Variants in POLR1F observed in about 807,000 individuals in gnomAD.
POLR1F encodes DNA-directed RNA polymerase I subunit RPA43.
Under a neutral mutation model 21.8 loss-of-function variants are expected in POLR1F, and 23 were observed. The observed-to-expected ratio is 1.05, with a 90% confidence interval of 0.76 to 1.49. The LOEUF is 1.49. Ranked by LOEUF, POLR1F falls within the 40% of genes most tolerant of loss-of-function variation. POLR1F has a pLI of 0.00. For synonymous variants in POLR1F, 162 were observed against 152.8 expected, an observed-to-expected ratio of 1.06 and a Z score of -0.45; for missense variants, 435 against 412.1, an observed-to-expected ratio of 1.06 and a Z score of -0.48.
At chr7:19,702,962 T>C (rs1783464549) in intron 2 of POLR1F, among the ~76,000 whole-genome samples, 1 of 152,226 alleles carries the variant, frequency 6.6e-6, no homozygotes, top group South Asian at 2.1e-4. Flanking sequence ...AACTAGCTCT[T>C]CTGCTTCTAG....
At chr7:19,703,074 C>T (rs1038300766) in intron 2 of POLR1F, among the ~76,000 whole-genome samples, 2 of 152,090 alleles carry the variant, frequency 1.3e-5, no homozygotes, top group East Asian at 3.8e-4. Context: ...TGGAATCAAT[C>T]CATCAATGAA....
chr7:19,696,139 T>C lies in POLR1F; in HGVS notation c.*2177A>G, dbSNP rs1783360309. On this transcript the variant is annotated 3_prime_UTR_variant, in exon 4 of 4. Transcript: ENST00000222567. ...AAAGATAGACTAGGTTAGTGCAGCA[T>C]GTGCCAAATGTTTTGAAGAATACAT... The C allele has an allele frequency of 6.6e-6, 1 of 152,088 alleles. No homozygotes were observed. The highest frequency in any genetic ancestry group is 1.9e-4 in the East Asian group (1 of 5,196). 9.4% of individuals were successfully genotyped at this position (152,088 alleles called of 1,614,324 possible).
chr7:19,703,319 T>C (rs991651020), intron 2 of POLR1F, among the ~76,000 whole-genome samples: 3 of 152,076 alleles, frequency 2.0e-5, no homozygotes, highest in Admixed American at 6.5e-5. Flanking sequence ...AGAGAAGGAA[T>C]TGGGCCAGGA....
chr7:19,700,376 G>C, intron 2 of POLR1F, 96 bp from the exon 3 acceptor site: 1 of 900,290 alleles, frequency 1.1e-6, no homozygotes, highest in Non-Finnish European at 1.7e-6. Context: ...AATCTTCAAA[G>C]AACAAACATC....
intron 1 of POLR1F, among the ~76,000 whole-genome samples, chr7:19,707,628 C>G (rs750438581): frequency 3.3e-5 from 5 of 152,156 alleles, no homozygotes; most frequent in Non-Finnish European, 5.9e-5. Flanking sequence ...CCTCTTCAAT[C>G]AAGTTGTTCT....
chr7:19,702,327 AG>A (rs1783456487), intron 2 of POLR1F, among the ~76,000 whole-genome samples: 1 of 152,222 alleles, frequency 6.6e-6, no homozygotes, highest in African/African-American at 2.4e-5. Context: ...ATGAAAGAAA[AG>A]GTTTTTTAAT....
At chr7:19,702,374 G>C (rs987032642) in intron 2 of POLR1F, among the ~76,000 whole-genome samples, 7 of 152,106 alleles carry the variant, frequency 4.6e-5, no homozygotes, top group Non-Finnish European at 8.8e-5. Flanking sequence ...CTACATGAAG[G>C]AGAGAGTGGA....
intron 2 of POLR1F, among the ~76,000 whole-genome samples, chr7:19,702,309 G>GA (rs777458565): frequency 1.2e-4 from 19 of 152,104 alleles, no homozygotes; most frequent in Admixed American, 4.6e-4. Context: ...GTCAATTTCA[G>GA]AAAATCAATG....
chr7:19,708,593 C>T (rs1398890357), intron 1 of POLR1F, among the ~76,000 whole-genome samples, 170 bp downstream of exon 1: 1 of 152,144 alleles, frequency 6.6e-6, no homozygotes, highest in Non-Finnish European at 1.5e-5. Context: ...TAGATCTTTA[C>T]CAGAGCGGTA....
chr7:19,707,801 T>C (rs1444115691), intron 1 of POLR1F, among the ~76,000 whole-genome samples: 2 of 152,212 alleles, frequency 1.3e-5, no homozygotes, highest in Non-Finnish European at 2.9e-5. Context: ...GTGTTCGGTA[T>C]GTAATATAAA....
At chr7:19,701,379 G>A (rs1308039488) in intron 2 of POLR1F, among the ~76,000 whole-genome samples, 1 of 152,176 alleles carries the variant, frequency 6.6e-6, no homozygotes, top group Non-Finnish European at 1.5e-5. Context: ...TACAGGGAAC[G>A]GAGGGAAGAA....
At chr7:19,701,680 A>G (rs913213098) in intron 2 of POLR1F, among the ~76,000 whole-genome samples, 4 of 149,314 alleles carry the variant, frequency 2.7e-5, no homozygotes, top group African/African-American at 9.9e-5. Context: ...AAGTCTGTTT[A>G]CCCTACCTCT....
chr7:19,709,017 G>C lies in POLR1F; in HGVS notation c.-1C>G. 6.4e-7 allele frequency: 1 copy of C among 1,571,834 alleles called. No homozygotes were observed. The highest frequency in any genetic ancestry group is 8.6e-7 in the Non-Finnish European group (1 of 1,159,094). Reference sequence around the variant, plus strand: ...GCGCCTCTGAGCAACCTGCAGCCATGCTGCTTGTCAAGGTTCCCACGGCGC... The same window carrying C: ...GCGCCTCTGAGCAACCTGCAGCCATCCTGCTTGTCAAGGTTCCCACGGCGC... On this transcript the variant is annotated 5_prime_UTR_variant, in exon 1 of 4. Transcript: ENST00000222567.
chr7:19,708,891 G>A lies in POLR1F; in HGVS notation c.126C>T (p.Asn42=), dbSNP rs764010966. 11 of 1,614,160 alleles carry A rather than the reference G, an allele frequency of 6.8e-6. No individual in the cohort carries two copies. In the East Asian group the frequency reaches 1.3e-4, roughly 20 times the overall value. ...PTYAAACALV[N]SRYSCLVAGP... is the part of the protein sequence containing the mutation. ...CGGCCACCAGGCATGAGTAGCGACT[G>A]TTCACCAGCGCACAAGCAGCGGCAT... The change falls in exon 1 of 4, where the codon AAC becomes AAT. Residue 42 remains asparagine, a synonymous_variant. Transcript: ENST00000222567.
At position 19,696,781 on chromosome 7, in the gene POLR1F, C is replaced by T. The variant is rs1249503067; in HGVS notation, c.*1535G>A. On this transcript the variant is annotated 3_prime_UTR_variant, in exon 4 of 4. Transcript: ENST00000222567. ...CCACTATACCAAGACATATTGATTTCACCAATATAAAAATTGAGATAGTTT... is the reference window on the plus strand; with the variant it reads ...CCACTATACCAAGACATATTGATTTTACCAATATAAAAATTGAGATAGTTT... 6.6e-6 allele frequency: 1 copy of T among 152,050 alleles called. No homozygotes were observed. Among genetic ancestry groups the T allele is most frequent in the Admixed American group, 6.6e-5 (1 of 15,262 alleles). The allele number at this position is 152,050 out of a possible 1,614,324, so 9.4% of individuals were successfully genotyped here.
intron 1 of POLR1F, among the ~76,000 whole-genome samples, chr7:19,706,257 G>A (rs547563088): frequency 2.6e-5 from 4 of 152,102 alleles, no homozygotes; most frequent in African/African-American, 7.2e-5. Context: ...TTTAATTTCC[G>A]CATGTGGCAT....
chr7:19,706,188 T>C (rs1783522167), intron 1 of POLR1F, among the ~76,000 whole-genome samples: 1 of 152,126 alleles, frequency 6.6e-6, no homozygotes, highest in African/African-American at 2.4e-5. Flanking sequence ...ACTTTAAGAA[T>C]TACCAAATTA....
At chr7:19,700,656 A>C (rs1366422418) in intron 2 of POLR1F, among the ~76,000 whole-genome samples, 1 of 152,224 alleles carries the variant, frequency 6.6e-6, no homozygotes, top group Non-Finnish European at 1.5e-5. Context: ...CTTTAGCTAC[A>C]TTGAAACCAA....
intron 2 of POLR1F, among the ~76,000 whole-genome samples, chr7:19,704,380 T>A (rs1403843882): frequency 6.6e-6 from 1 of 152,210 alleles, no homozygotes; most frequent in Non-Finnish European, 1.5e-5. Flanking sequence ...CTGTCCTCTG[T>A]CATTGATAAA....
Sources: allele counts gnomAD v4.1 joint callset (sites outside exome capture counted in the v4.1 genomes callset), GRCh38; gene constraint gnomAD v4.1.1; transcripts MANE v1.5; gene names NCBI Gene and HGNC (gene_info 2026-07-23, HGNC 2026-07-21).